RAB27B: variants seen among roughly 807,000 people sequenced by gnomAD.
RAB27B encodes RAB27B, member RAS oncogene family.
In RAB27B, 15 loss-of-function variants were observed where a neutral mutation model predicts 24.6. The observed-to-expected ratio is 0.61, with a 90% CI of 0.41 to 0.94. The LOEUF (loss-of-function observed/expected upper bound fraction) is 0.94. RAB27B is among the 40% of genes least tolerant of loss of function. The probability of loss-of-function intolerance (pLI) is 0.00; values close to 1 mark genes in which losing one functional copy is unlikely to be tolerated. For synonymous variants in RAB27B, 105 were observed against 92.5 expected, an observed-to-expected ratio of 1.14 and a Z score of -0.78; for missense variants, 261 against 266.8, an observed-to-expected ratio of 0.98 and a Z score of 0.15.
intron 2 of RAB27B, among the ~76,000 whole-genome samples, chr18:54,741,863 C>G (rs1394265996): frequency 2.0e-5 from 3 of 152,094 alleles, no homozygotes; most frequent in African/African-American, 7.2e-5. Flanking sequence ...TCTCCTTTTG[C>G]CTAAGCTGGC....
chr18:54,816,643 A>G (rs1040352812), intron 2 of RAB27B, among the ~76,000 whole-genome samples: 1 of 152,190 alleles, frequency 6.6e-6, no homozygotes. Flanking sequence ...AACAGGTTCC[A>G]AATCGTGGTT....
At chr18:54,839,022 G>A (rs1911003966) in intron 1 of RAB27B, among the ~76,000 whole-genome samples, 1 of 151,964 alleles carries the variant, frequency 6.6e-6, no homozygotes, top group South Asian at 2.1e-4. Context: ...TAATAAATAT[G>A]GAAAAAGGAT....
chr18:54,772,795 C>T lies in RAB27B; in HGVS notation c.-20+54654C>T, dbSNP rs1445185148. ...TCATTAGGGATATGCTTGGTATAATCATCAGGCTAGGTATGGTGATTATAC... is the reference window on the plus strand; with the variant it reads ...TCATTAGGGATATGCTTGGTATAATTATCAGGCTAGGTATGGTGATTATAC... On this transcript the variant is annotated intron_variant, in intron 2 of 4. Coordinates refer to the RAB27B transcript ENST00000586570. Among the ~76,000 whole-genome samples, 3 of 152,192 alleles carry T rather than the reference C, an allele frequency of 2.0e-5. No homozygotes were observed. The East Asian group carries it at 5.8e-4, about 29-fold the overall frequency.
chr18:54,776,203 C>T (rs987259606), intron 2 of RAB27B, among the ~76,000 whole-genome samples: 4 of 152,248 alleles, frequency 2.6e-5, no homozygotes, highest in Admixed American at 6.5e-5. Flanking sequence ...GAAATGGTCT[C>T]CTGCTCAGGC....
intron 2 of RAB27B, among the ~76,000 whole-genome samples, chr18:54,798,987 C>T (rs1282926228): frequency 1.3e-5 from 2 of 152,046 alleles, no homozygotes; most frequent in Admixed American, 1.3e-4. Flanking sequence ...AAGAGGGTCA[C>T]GTATGTAAGG....
chr18:54,775,176 A>G (rs1315818927), intron 2 of RAB27B, among the ~76,000 whole-genome samples: 1 of 152,152 alleles, frequency 6.6e-6, no homozygotes, highest in Non-Finnish European at 1.5e-5. Context: ...GCATCTTCCT[A>G]GAGGCCATGA....
At chr18:54,848,276 G>C (rs1568094991) in intron 1 of RAB27B, among the ~76,000 whole-genome samples, 2 of 152,192 alleles carry the variant, frequency 1.3e-5, no homozygotes, top group Admixed American at 6.5e-5. Flanking sequence ...TTCTGGAAGA[G>C]TGAATTTATA....
intron 2 of RAB27B, among the ~76,000 whole-genome samples, chr18:54,731,101 G>A (rs756258605): frequency 8.5e-5 from 13 of 152,128 alleles, no homozygotes; most frequent in Non-Finnish European, 1.9e-4. Context: ...TGTCTAACAA[G>A]CAGATATGAA....
chr18:54,860,249 A>G (rs937173498), intron 1 of RAB27B, among the ~76,000 whole-genome samples: 3 of 152,256 alleles, frequency 2.0e-5, no homozygotes, highest in African/African-American at 7.2e-5. Flanking sequence ...GTAGTTGGTA[A>G]ATGGCTAAAA....
At chr18:54,793,405 G>T (rs1364357089) in intron 2 of RAB27B, among the ~76,000 whole-genome samples, 3 of 152,110 alleles carry the variant, frequency 2.0e-5, no homozygotes, top group Non-Finnish European at 4.4e-5. Flanking sequence ...CATGTGATAT[G>T]CCACATAATG....
chr18:54,721,699 ATGT>A lies in RAB27B; in HGVS notation c.-20+3563_-20+3565del, dbSNP rs1379236119. On this transcript the variant is annotated intron_variant, in intron 2 of 4. Coordinates refer to the RAB27B transcript ENST00000586570. ...AACCAAATGCATTGTTACTAAAATTATGTTGTTATTATTACTATAATTTATTGC... is the reference window on the plus strand; with the variant it reads ...AACCAAATGCATTGTTACTAAAATTATGTTATTATTACTATAATTTATTGC... Among the ~76,000 whole-genome samples, 16 of 152,344 alleles carry A rather than the reference ATGT, an allele frequency of 1.1e-4. No individual in the cohort carries two copies. The South Asian group carries it at 2.1e-3, about 20-fold the overall frequency.
In RAB27B at chr18:54,893,322, C is replaced by T. The variant is rs1277493076; in HGVS notation, c.*3909C>T. ...TCCAAGTCTCTGGTTTCCTAAGATA[C>T]ATAATAACTGTTTATAAAGAAGGTC... On this transcript the variant is annotated 3_prime_UTR_variant, in exon 6 of 6. Transcript: ENST00000262094. 1 of 152,006 alleles carries T rather than the reference C, an allele frequency of 6.6e-6. No individual in the cohort carries two copies. Among genetic ancestry groups the T allele is most frequent in the Non-Finnish European group, 1.5e-5 (1 of 67,938 alleles). The allele number at this position is 152,006 out of a possible 1,614,324, so 9.4% of individuals were successfully genotyped here. A position where few individuals can be genotyped will look rare whatever the true frequency, so the allele number is the denominator to read the frequency against.
chr18:54,821,410 T>C (rs558137724), intron 2 of RAB27B, among the ~76,000 whole-genome samples: 1 of 152,194 alleles, frequency 6.6e-6, no homozygotes, highest in Admixed American at 6.5e-5. Context: ...TGGAAGAACA[T>C]TCCATGCTCA....
intron 4 of RAB27B, among the ~76,000 whole-genome samples, chr18:54,886,624 G>A (rs998645916): frequency 2.6e-5 from 4 of 151,780 alleles, no homozygotes; most frequent in African/African-American, 7.3e-5. Context: ...CCAAATTTTG[G>A]TGGTAGCTTT....
At chr18:54,794,798 G>A (rs1359234713) in intron 2 of RAB27B, among the ~76,000 whole-genome samples, 1 of 152,156 alleles carries the variant, frequency 6.6e-6, no homozygotes, top group Non-Finnish European at 1.5e-5. Context: ...AACCCCCAAT[G>A]TGTTTGTGTC....
At chr18:54,769,203 C>T (rs571823841) in intron 2 of RAB27B, among the ~76,000 whole-genome samples, 8 of 152,234 alleles carry the variant, frequency 5.3e-5, no homozygotes, top group African/African-American at 1.9e-4. Flanking sequence ...TAAACCCATT[C>T]CAAATAGGAT....
intron 2 of RAB27B, among the ~76,000 whole-genome samples, chr18:54,744,460 G>A (rs1035853412): frequency 6.6e-6 from 1 of 152,174 alleles, no homozygotes; most frequent in Non-Finnish European, 1.5e-5. Context: ...AGAATATAGA[G>A]AGGGTCAGGC....
In RAB27B at chr18:54,892,289, A is replaced by G. The variant is rs1239582473; in HGVS notation, c.*2876A>G. ...ATTGCTCTAACTCGGTGCCTCAGATACCTCTGTGACCAAATTTGTCTCCAA... is the reference window on the plus strand; with the variant it reads ...ATTGCTCTAACTCGGTGCCTCAGATGCCTCTGTGACCAAATTTGTCTCCAA... On this transcript the variant is annotated 3_prime_UTR_variant, in exon 6 of 6. Transcript: ENST00000262094. 2 of 152,006 alleles carry G rather than the reference A, an allele frequency of 1.3e-5. No homozygotes were observed. Among genetic ancestry groups the G allele is most frequent in the Non-Finnish European group, 2.9e-5 (2 of 67,960 alleles). 9.4% of individuals were successfully genotyped at this position (152,006 alleles called of 1,614,324 possible).
chr18:54,782,113 A>G (rs532703871), intron 2 of RAB27B, among the ~76,000 whole-genome samples: 1 of 152,252 alleles, frequency 6.6e-6, no homozygotes, highest in African/African-American at 2.4e-5. Flanking sequence ...GGCAATAGTT[A>G]ACATTCCATT....
Sources: allele counts gnomAD v4.1 joint callset (sites outside exome capture counted in the v4.1 genomes callset), GRCh38; gene constraint gnomAD v4.1.1; transcripts MANE v1.5; gene names NCBI Gene and HGNC (gene_info 2026-07-23, HGNC 2026-07-21).